The following FGF14 variants were observed in gnomAD, a reference collection of about 807,000 sequenced individuals.
The protein encoded by FGF14 is fibroblast growth factor homologous factor 4.
FGF14 carries 5 observed loss-of-function variants against 25.5 expected under a neutral mutation model. The observed-to-expected ratio is 0.20, with a 90% confidence interval of 0.10 to 0.41. The LOEUF (loss-of-function observed/expected upper bound fraction) is 0.41. Among genes scored for constraint, FGF14 ranks in the 10% least tolerant of loss-of-function variants. The probability of loss-of-function intolerance (pLI) is 1.00; values close to 1 mark genes in which losing one functional copy is unlikely to be tolerated. For missense variants in FGF14, 222 were observed against 320.1 expected, an observed-to-expected ratio of 0.69 and a Z score of 2.34; for synonymous variants, 138 against 118.3, an observed-to-expected ratio of 1.17 and a Z score of -1.08.
chr13:102,236,988 A>T (rs1369755540), intron 1 of FGF14, among the ~76,000 whole-genome samples: 3 of 152,050 alleles, frequency 2.0e-5, no homozygotes, highest in Non-Finnish European at 4.4e-5. Flanking sequence ...AGGACCACAG[A>T]GGGGGCCGCA....
At chr13:101,865,894 C>T (rs1405579578) in intron 3 of FGF14, among the ~76,000 whole-genome samples, 2 of 152,038 alleles carry the variant, frequency 1.3e-5, no homozygotes, top group Admixed American at 1.3e-4. Flanking sequence ...TTAGGATAAA[C>T]TTAGAATGGA....
chr13:102,297,339 A>C (rs2054771252), intron 1 of FGF14, among the ~76,000 whole-genome samples: 1 of 152,160 alleles, frequency 6.6e-6, no homozygotes, highest in Non-Finnish European at 1.5e-5. Flanking sequence ...CAGACGACTC[A>C]ATGTAACATG....
At chr13:101,828,325 C>T (rs745975356) in intron 3 of FGF14, among the ~76,000 whole-genome samples, 129 of 152,046 alleles carry the variant, frequency 8.5e-4, no homozygotes, top group Middle Eastern at 3.4e-3. Context: ...GACTGCTCAT[C>T]GAGAATTGAA....
Position 101,875,221 on chromosome 13 carries a change from G to T in FGF14, c.269C>A (p.Ala90Asp). 2 of 1,613,352 alleles carry T rather than the reference G, an allele frequency of 1.2e-6. No homozygotes were observed. The highest frequency in any genetic ancestry group is 8.5e-7 in the Non-Finnish European group (1 of 1,179,444). The change falls in exon 2 of 5, where the codon GCT becomes GAT. Residue 90 changes from alanine (A) to aspartate (D), a missense_variant. Ala to Asp is a moderately radical substitution (Grantham distance 126, BLOSUM62 -2). Coordinates refer to ENST00000376143, the MANE Select transcript of FGF14 (RefSeq NM_004115.4). Reference sequence around the variant, plus strand: ...GCTGTCATCCTTGGTTCCATCGAGAGCTCCATCGGGGTGCATTTGCAAGTA... The same window carrying T: ...GCTGTCATCCTTGGTTCCATCGAGATCTCCATCGGGGTGCATTTGCAAGTA... ...GYYLQMHPDG[A>D]LDGTKDDSTN... is the part of the protein sequence containing the mutation.
At chr13:102,083,112 T>C (rs1447791117) in intron 1 of FGF14, among the ~76,000 whole-genome samples, 1 of 152,244 alleles carries the variant, frequency 6.6e-6, no homozygotes, top group East Asian at 1.9e-4. Context: ...GATATCTTTC[T>C]ATCTCTCCAC....
chr13:102,329,511 G>C (rs992922795), intron 1 of FGF14, among the ~76,000 whole-genome samples: 2 of 152,090 alleles, frequency 1.3e-5, no homozygotes, highest in Non-Finnish European at 2.9e-5. Flanking sequence ...ACCACCTGCT[G>C]ACCACTCCCT....
At chr13:102,129,463 T>C (rs2046094259) in intron 1 of FGF14, among the ~76,000 whole-genome samples, 2 of 152,050 alleles carry the variant, frequency 1.3e-5, no homozygotes, top group East Asian at 1.9e-4. Flanking sequence ...TAGCAAAACT[T>C]GGAAAAATAT....
At chr13:101,872,344 T>A (rs1464850857) in intron 2 of FGF14, among the ~76,000 whole-genome samples, 1 of 151,594 alleles carries the variant, frequency 6.6e-6, no homozygotes, top group Non-Finnish European at 1.5e-5. Flanking sequence ...CCATTTTTTA[T>A]AACTCCCTGA....
intron 1 of FGF14, among the ~76,000 whole-genome samples, chr13:101,945,172 T>G (rs2035722826): frequency 6.6e-6 from 1 of 151,918 alleles, no homozygotes; most frequent in South Asian, 2.1e-4. Context: ...TACAAAATTA[T>G]CTGGGTGTGG....
intron 1 of FGF14, among the ~76,000 whole-genome samples, chr13:102,289,181 C>T (rs1006115915): frequency 6.6e-6 from 1 of 152,130 alleles, no homozygotes; most frequent in Non-Finnish European, 1.5e-5. Flanking sequence ...CTTGTGAGCC[C>T]TGTAAAGAAT....
At chr13:101,949,465 A>G (rs1407783) in intron 1 of FGF14, among the ~76,000 whole-genome samples, 4,297 of 152,146 alleles carry the variant, frequency 0.028, 179 homozygotes, top group African/African-American at 0.098. Flanking sequence ...GGTTCTTTGG[A>G]GCCACTGGGG....
At chr13:102,170,910 T>G (rs2048218655) in intron 1 of FGF14, among the ~76,000 whole-genome samples, 1 of 152,212 alleles carries the variant, frequency 6.6e-6, no homozygotes, top group African/African-American at 2.4e-5. Context: ...AAATGGTTCA[T>G]GTCAATATCT....
At chr13:101,746,451 C>T (rs2036897189) in intron 3 of FGF14, among the ~76,000 whole-genome samples, 1 of 151,948 alleles carries the variant, frequency 6.6e-6, no homozygotes, top group Non-Finnish European at 1.5e-5. Context: ...ACTGAAAACT[C>T]TAGCTCAGTG....
chr13:102,313,813 A>G (rs899440755), intron 1 of FGF14, among the ~76,000 whole-genome samples: 2 of 152,218 alleles, frequency 1.3e-5, no homozygotes, highest in African/African-American at 4.8e-5. Context: ...TGACTTCTTC[A>G]ACAGTCCAAA....
At chr13:102,341,108 G>C (rs139866884) in intron 1 of FGF14, among the ~76,000 whole-genome samples, 12 of 152,124 alleles carry the variant, frequency 7.9e-5, no homozygotes, top group African/African-American at 2.9e-4. Context: ...AAAGTAAAAG[G>C]GGGGAAAAAA....
At chr13:101,939,951 AT>A (rs2035337016) in intron 1 of FGF14, among the ~76,000 whole-genome samples, 1 of 152,240 alleles carries the variant, frequency 6.6e-6, no homozygotes, top group African/African-American at 2.4e-5. Flanking sequence ...AAACAATAAA[AT>A]TTTGCAGACG....
At chr13:102,186,949 C>T (rs950635615) in intron 1 of FGF14, among the ~76,000 whole-genome samples, 7 of 152,122 alleles carry the variant, frequency 4.6e-5, no homozygotes, top group Admixed American at 1.3e-4. Context: ...CACAGACACA[C>T]ATCAGAGTTA....
intron 3 of FGF14, among the ~76,000 whole-genome samples, chr13:101,782,312 G>A (rs775538473): frequency 9.2e-5 from 14 of 152,008 alleles, no homozygotes; most frequent in Non-Finnish European, 1.5e-4. Context: ...TATTTTCACT[G>A]CCAATATCAT....
At chr13:102,350,774 G>A (rs1198301116) in intron 1 of FGF14, among the ~76,000 whole-genome samples, 1 of 152,182 alleles carries the variant, frequency 6.6e-6, no homozygotes, top group Non-Finnish European at 1.5e-5. Context: ...GAATAACAGA[G>A]CTTCCACTGA....
Sources: allele counts gnomAD v4.1 joint callset (sites outside exome capture counted in the v4.1 genomes callset), GRCh38; gene constraint gnomAD v4.1.1; transcripts MANE v1.5; gene names NCBI Gene and HGNC (gene_info 2026-07-23, HGNC 2026-07-21).